The following UBA5 variants were observed in gnomAD, a reference collection of about 807,000 sequenced individuals.
The protein encoded by UBA5 is ubiquitin-like modifier-activating enzyme 5.
A neutral mutation model predicts 52.9 loss-of-function variants in UBA5; 28 were observed. The ratio of observed to expected loss-of-function variants is 0.53; its 90% CI spans 0.39 to 0.73. The LOEUF (loss-of-function observed/expected upper bound fraction) is 0.73. Ranked by LOEUF, UBA5 falls within the 30% of genes least tolerant of loss-of-function variation. The probability of loss-of-function intolerance (pLI) is 0.00; values close to 1 mark genes in which losing one functional copy is unlikely to be tolerated. For synonymous variants in UBA5, 135 were observed against 162.1 expected (o/e 0.83, Z 1.27); for missense variants, 388 against 492.7 (o/e 0.79, Z 2.01).
At chr3:132,670,123 C>T in intron 4 of UBA5, 75 bp from the exon 5 acceptor site, 1 of 738,580 alleles carries the variant, frequency 1.4e-6, no homozygotes. Context: ...CTCCTGGACT[C>T]AAGTAATCCT....
chr3:132,672,344 A>G (rs1200348153), intron 8 of UBA5, among the ~76,000 whole-genome samples, 167 bp downstream of exon 8: 1 of 148,296 alleles, frequency 6.7e-6, no homozygotes, highest in Non-Finnish European at 1.5e-5. Context: ...TGCAAATTCT[A>G]TTTTATATAT....
rs1339696822 is a variant in UBA5 at position 132,660,684 on chromosome 3, T to C, written c.147T>C (p.Asp49=). Residue 49 remains aspartate, a synonymous_variant, in exon 1 of 12, where the codon GAT becomes GAC. Coordinates refer to ENST00000356232, the MANE Select transcript of UBA5 (RefSeq NM_024818.6). The surrounding 1 kb of genome is among the most constrained non-coding windows in gnomAD (Gnocchi z 4.1). ...AGAAGATGAGCTCAGAGGTGGTGGA[T>C]TCGAATCCCTACAGGTAACCTGCGT... ...RIEKMSSEVV[D]SNPYSRLMAL... The C allele has an allele frequency of 6.4e-7, 1 of 1,570,792 alleles. No homozygotes were observed. The highest frequency in any genetic ancestry group is 1.9e-5 in the Admixed American group (1 of 53,870).
Position 132,660,877 on chromosome 3 carries a change from T to C in UBA5, c.161+179T>C. The C allele has an allele frequency of 1.5e-5, 21 of 1,444,134 alleles. No homozygotes were observed. Among genetic ancestry groups the C allele is most frequent in the Non-Finnish European group, 1.9e-5 (21 of 1,101,408 alleles). 89.5% of individuals were successfully genotyped at this position (1,444,134 alleles called of 1,614,324 possible). ...TTAGTACTGATCGGAAGATATTCTT[T>C]CTCTTTTTTAAAAACCTCCAGTGAG... On this transcript the variant is annotated intron_variant, in intron 1 of 11. Coordinates refer to ENST00000356232, the MANE Select transcript of UBA5 (RefSeq NM_024818.6). The surrounding 1 kb of genome is among the most constrained non-coding windows in gnomAD (Gnocchi z 4.1).
upstream of UBA5, among the ~76,000 whole-genome samples, chr3:132,656,219 C>T (rs1247336104): frequency 2.6e-5 from 4 of 152,106 alleles, no homozygotes; most frequent in African/African-American, 9.7e-5. Flanking sequence ...ATTTATTCAT[C>T]CATTCTGTAT....
intron 4 of UBA5, among the ~76,000 whole-genome samples, chr3:132,669,715 T>G (rs757825403): frequency 1.3e-5 from 2 of 152,210 alleles, no homozygotes; most frequent in Non-Finnish European, 2.9e-5. Flanking sequence ...ATCCCTGCTT[T>G]AGGAATTTCC....
intron 8 of UBA5, among the ~76,000 whole-genome samples, chr3:132,672,833 G>T (rs548357808): frequency 7.2e-5 from 11 of 152,162 alleles, no homozygotes; most frequent in Non-Finnish European, 1.0e-4. Context: ...GAAGGAAAAA[G>T]ATTTCTTTGC....
chr3:132,673,912 A>AT lies in UBA5; in HGVS notation c.813-1335dup, dbSNP rs540478461. Reference sequence around the variant, plus strand: ...ACTCCTGGGCTCGAGCAGTCTGCCCATATCGACCTTCTAAAGTGCTAGGAG... The same window carrying AT: ...ACTCCTGGGCTCGAGCAGTCTGCCCATTATCGACCTTCTAAAGTGCTAGGAG... On this transcript the variant is annotated intron_variant, in intron 8 of 11. Coordinates refer to ENST00000356232, the MANE Select transcript of UBA5 (RefSeq NM_024818.6). Among the ~76,000 whole-genome samples, 15 of 152,236 alleles carry AT rather than the reference A, an allele frequency of 9.9e-5. No individual in the cohort carries two copies. The South Asian group carries it at 3.1e-3, about 32-fold the overall frequency.
intron 1 of UBA5, chr3:132,661,190 CCT>C: frequency 1.9e-6 from 1 of 537,808 alleles, no homozygotes; most frequent in Non-Finnish European, 2.9e-6. Context: ...ACTGCCCAGG[CCT>C]CTCTTTTCTT....
upstream of UBA5, chr3:132,660,082 C>G: frequency 2.9e-6 from 1 of 348,008 alleles, no homozygotes. This position sits in a 1 kb window ranked among gnomAD's most constrained non-coding sequence, Gnocchi z 4.1. Context: ...TCTTCCACCC[C>G]CAAATTTAAT....
upstream of UBA5, among the ~76,000 whole-genome samples, chr3:132,655,822 AC>A (rs1247524415): frequency 1.3e-5 from 2 of 152,250 alleles, no homozygotes; most frequent in Non-Finnish European, 2.9e-5. Flanking sequence ...GCTGCAAATC[AC>A]AAGTTTTGTT....
intron 8 of UBA5, among the ~76,000 whole-genome samples, chr3:132,672,495 A>G (rs956002492): frequency 1.3e-5 from 2 of 152,144 alleles, no homozygotes; most frequent in African/African-American, 4.8e-5. Context: ...TGGTAGTGGC[A>G]TATTTATTTA....
chr3:132,668,706 ATAT>A, intron 3 of UBA5, 109 bp from the exon 4 acceptor site: 3 of 645,712 alleles, frequency 4.6e-6, no homozygotes, highest in South Asian at 2.1e-5. Flanking sequence ...GAGTTAGCTA[ATAT>A]TATTATCAAA....
chr3:132,672,302 A>G (rs1938639217), intron 8 of UBA5, 125 bp downstream of exon 8: 1 of 1,141,490 alleles, frequency 8.8e-7, no homozygotes, highest in Non-Finnish European at 1.2e-6. Flanking sequence ...TTAAACTTAA[A>G]TGTAGTTTTA....
chr3:132,668,976 T>C (rs1938489639), intron 4 of UBA5, 49 bp downstream of exon 4: 1 of 1,256,206 alleles, frequency 8.0e-7, no homozygotes, highest in African/African-American at 1.5e-5. Flanking sequence ...TCTTACTTTA[T>C]GTATTTGATA....
chr3:132,670,588 T>C (rs1423445338), intron 5 of UBA5: 1 of 229,224 alleles, frequency 4.4e-6, no homozygotes, highest in Non-Finnish European at 8.3e-6. Flanking sequence ...ATGGTTTTCT[T>C]CAGAGACTGT....
At chr3:132,658,196 C>G (rs865886434), upstream of UBA5, among the ~76,000 whole-genome samples, 3 of 152,168 alleles carry the variant, frequency 2.0e-5, no homozygotes, top group African/African-American at 7.2e-5. Context: ...AAGATTGATT[C>G]TTTTGAGTTT....
At chr3:132,672,688 G>A in intron 8 of UBA5, among the ~76,000 whole-genome samples, 1 of 152,142 alleles carries the variant, frequency 6.6e-6, no homozygotes, top group South Asian at 2.1e-4. Flanking sequence ...TACATAAAAT[G>A]TTAACATTTA....
upstream of UBA5, among the ~76,000 whole-genome samples, chr3:132,656,128 GT>G (rs1937784360): frequency 6.6e-6 from 1 of 151,930 alleles, no homozygotes; most frequent in Admixed American, 6.6e-5. Context: ...ATTTCTTCAC[GT>G]TTTTCATTCT....
Position 132,660,571 on chromosome 3 carries a change from G to A in UBA5, c.34G>A (p.Val12Ile). The A allele has an allele frequency of 6.4e-7, 1 of 1,550,834 alleles. No homozygotes were observed. Among genetic ancestry groups the A allele is most frequent in the South Asian group, 1.2e-5 (1 of 84,042 alleles). ...GTCTGTGGAGCGCCTGCAGCAGCGG[G>A]TCCAGGAGCTGGAGCGGGAACTTGC... Reference protein sequence around the residue: ...AESVERLQQRVQELERELAQE... With the variant: ...AESVERLQQRIQELERELAQE... Residue 12 changes from valine to isoleucine, a missense_variant, in exon 1 of 12, where the codon GTC (valine) becomes ATC (isoleucine). Val to Ile is a conservative substitution (Grantham distance 29, BLOSUM62 3). This residue lies in a region of UBA5 where 95 missense variants were observed against 107.0 expected (regional missense o/e 0.89). Transcript: ENST00000356232. The surrounding 1 kb of genome is among the most constrained non-coding windows in gnomAD (Gnocchi z 4.1).
Sources: allele counts gnomAD v4.1 joint callset (sites outside exome capture counted in the v4.1 genomes callset), GRCh38; gene constraint gnomAD v4.1.1; regional missense constraint gnomAD v4.1.1; non-coding constraint Gnocchi (gnomAD v3.1); transcripts MANE v1.5; gene names NCBI Gene and HGNC (gene_info 2026-07-23, HGNC 2026-07-21).